The following LRFN5 variants were observed in gnomAD, a reference collection of about 807,000 sequenced individuals.
The protein encoded by LRFN5 is leucine rich repeat and fibronectin type III domain containing 5, also known as leucine-rich repeat and fibronectin type-III domain-containing protein 5.
In LRFN5, 24 loss-of-function variants were observed where a neutral mutation model predicts 45.6. The observed-to-expected ratio is 0.53, with a 90% CI of 0.38 to 0.74. The LOEUF is 0.74. LRFN5 is among the 30% of genes least tolerant of loss of function. LRFN5 has a pLI of 0.00. For missense variants in LRFN5, 776 were observed against 861.5 expected (o/e 0.90, Z 1.24); for synonymous variants, 340 against 313.8 (o/e 1.08, Z -0.88).
chr14:41,708,074 CAG>C (rs1455135213), intron 1 of LRFN5, among the ~76,000 whole-genome samples: 6 of 151,892 alleles, frequency 4.0e-5, no homozygotes, highest in African/African-American at 9.7e-5. Flanking sequence ...GATATTAAAA[CAG>C]ATGATGAATT....
At chr14:41,854,619 C>T (rs1278517055) in intron 2 of LRFN5, among the ~76,000 whole-genome samples, 2 of 152,110 alleles carry the variant, frequency 1.3e-5, no homozygotes, top group Non-Finnish European at 2.9e-5. Context: ...AAAGAAAATT[C>T]AGAATCCAAA....
At chr14:41,686,615 T>C (rs902182175) in intron 1 of LRFN5, among the ~76,000 whole-genome samples, 2 of 151,836 alleles carry the variant, frequency 1.3e-5, no homozygotes, top group Non-Finnish European at 2.9e-5. Flanking sequence ...GTCACAGTTA[T>C]TATATTAAGA....
chr14:41,643,206 A>T (rs1879659298), intron 1 of LRFN5, among the ~76,000 whole-genome samples: 1 of 152,186 alleles, frequency 6.6e-6, no homozygotes, highest in Non-Finnish European at 1.5e-5. Context: ...AAATCAAGAG[A>T]AAAAGGTATA....
chr14:41,622,790 A>G (rs1261039054), intron 1 of LRFN5, among the ~76,000 whole-genome samples: 1 of 152,120 alleles, frequency 6.6e-6, no homozygotes, highest in Non-Finnish European at 1.5e-5. Flanking sequence ...GTAGCTTTGT[A>G]TTTGTTATCA....
intron 1 of LRFN5, among the ~76,000 whole-genome samples, chr14:41,728,549 A>G (rs1490845788): frequency 6.6e-6 from 1 of 152,202 alleles, no homozygotes; most frequent in Non-Finnish European, 1.5e-5. Context: ...AAGATACTGC[A>G]TAATCTTTGT....
chr14:41,673,603 CG>C (rs1881372334), intron 1 of LRFN5, among the ~76,000 whole-genome samples: 1 of 144,418 alleles, frequency 6.9e-6, no homozygotes, highest in South Asian at 2.3e-4. Context: ...CCGGATGGGG[CG>C]GCTGGCCGGG....
intron 1 of LRFN5, among the ~76,000 whole-genome samples, chr14:41,758,037 C>T (rs959342235): frequency 3.9e-5 from 6 of 152,178 alleles, no homozygotes; most frequent in African/African-American, 1.4e-4. Context: ...CCCCATGCAA[C>T]TCTTATCCTT....
chr14:41,892,760 G>T, intron 4 of LRFN5: 1 of 985,264 alleles, frequency 1.0e-6, no homozygotes, highest in Non-Finnish European at 1.2e-6. Flanking sequence ...ACCTTTTTCA[G>T]TGGAAAGAAG....
chr14:41,868,171 C>G (rs933056927), intron 2 of LRFN5, among the ~76,000 whole-genome samples: 1 of 151,980 alleles, frequency 6.6e-6, no homozygotes, highest in African/African-American at 2.4e-5. Flanking sequence ...AAGTTTTCTC[C>G]AAGACATAGC....
intron 2 of LRFN5, among the ~76,000 whole-genome samples, chr14:41,821,187 A>C (rs1051784118): frequency 6.6e-6 from 1 of 151,988 alleles, no homozygotes; most frequent in Admixed American, 6.6e-5. Context: ...GTCTTATTCC[A>C]GTTCTTAGAG....
intron 2 of LRFN5, among the ~76,000 whole-genome samples, chr14:41,842,489 T>G (rs1888896705): frequency 6.6e-6 from 1 of 152,040 alleles, no homozygotes; most frequent in Non-Finnish European, 1.5e-5. Context: ...CAAATAGAAT[T>G]TTGTAGTCTA....
At chr14:41,736,130 A>G (rs189067141) in intron 1 of LRFN5, among the ~76,000 whole-genome samples, 74 of 152,292 alleles carry the variant, frequency 4.9e-4, no homozygotes, top group African/African-American at 1.7e-3. Flanking sequence ...CAGCAATGGG[A>G]TCACTGGGTC....
At chr14:41,812,205 C>G (rs1222980915) in intron 2 of LRFN5, among the ~76,000 whole-genome samples, 1 of 151,726 alleles carries the variant, frequency 6.6e-6, no homozygotes, top group African/African-American at 2.4e-5. Context: ...GTATATATTC[C>G]AAAATGATAT....
At chr14:41,661,754 C>T (rs1312745436) in intron 1 of LRFN5, among the ~76,000 whole-genome samples, 1 of 151,886 alleles carries the variant, frequency 6.6e-6, no homozygotes, top group Non-Finnish European at 1.5e-5. Flanking sequence ...GAAGGTGACC[C>T]TAGTGGCAGG....
At chr14:41,869,189 G>C (rs1003310400) in intron 2 of LRFN5, among the ~76,000 whole-genome samples, 1 of 152,042 alleles carries the variant, frequency 6.6e-6, no homozygotes, top group Non-Finnish European at 1.5e-5. Flanking sequence ...TACTCTGAGT[G>C]GGCAACTTGG....
At chr14:41,892,401 C>A (rs1890817978) in intron 4 of LRFN5, 1 of 984,890 alleles carries the variant, frequency 1.0e-6, no homozygotes, top group African/African-American at 1.8e-5. Flanking sequence ...GCAGCAGTGC[C>A]TTTCCCTATT....
intron 1 of LRFN5, among the ~76,000 whole-genome samples, chr14:41,755,688 C>G (rs1450617496): frequency 6.6e-6 from 1 of 152,170 alleles, no homozygotes; most frequent in Non-Finnish European, 1.5e-5. Context: ...TTTCTGAATA[C>G]AGCACACTGA....
chr14:41,899,036 T>C (rs1891027356), intron 5 of LRFN5, 76 bp downstream of exon 5: 1 of 1,168,264 alleles, frequency 8.6e-7, no homozygotes, highest in South Asian at 1.5e-5. Context: ...CTTTAAGTAA[T>C]TAGTTTGCTA....
At chr14:41,796,301 C>A (rs911176373) in intron 2 of LRFN5, among the ~76,000 whole-genome samples, 1 of 151,832 alleles carries the variant, frequency 6.6e-6, no homozygotes, top group African/African-American at 2.4e-5. Context: ...ATATGTCATT[C>A]ATAAACTTGT....
Sources: allele counts gnomAD v4.1 joint callset (sites outside exome capture counted in the v4.1 genomes callset), GRCh38; gene constraint gnomAD v4.1.1; transcripts MANE v1.5; gene names NCBI Gene and HGNC (gene_info 2026-07-23, HGNC 2026-07-21).